The following GALM variants were observed in gnomAD, a reference collection of about 807,000 sequenced individuals.
GALM encodes galactose mutarotase, also known as aldose 1-epimerase.
GALM carries 43 observed loss-of-function variants against 37.4 expected under a neutral mutation model. That is an observed-to-expected ratio of 1.15 (90% CI 0.90 to 1.48). The LOEUF (loss-of-function observed/expected upper bound fraction) is 1.48, where lower values mean the gene tolerates loss of function less well. Ranked by LOEUF, GALM falls within the 40% of genes most tolerant of loss-of-function variation. The pLI, the probability that GALM is intolerant of heterozygous loss-of-function variation, is 0.00. For synonymous variants in GALM, 199 were observed against 170.6 expected (o/e 1.17, Z -1.30); for missense variants, 456 against 419.1 (o/e 1.09, Z -0.77).
intron 4 of GALM, among the ~76,000 whole-genome samples, chr2:38,725,880 T>A (rs1351860585): frequency 3.9e-5 from 6 of 151,912 alleles, no homozygotes; most frequent in African/African-American, 7.3e-5. Flanking sequence ...CCTGGCTAAT[T>A]TTTGTATTTT....
chr2:38,693,163 C>T (rs576059409), intron 4 of GALM, among the ~76,000 whole-genome samples: 59 of 152,152 alleles, frequency 3.9e-4, no homozygotes, highest in Non-Finnish European at 4.4e-4. Flanking sequence ...ACCACAAGGC[C>T]ACTTTCCTGA....
At chr2:38,666,780 T>G (rs537824946) in intron 1 of GALM, among the ~76,000 whole-genome samples, 1 of 152,330 alleles carries the variant, frequency 6.6e-6, no homozygotes, top group Admixed American at 6.5e-5. Context: ...TCTACTTCCT[T>G]CTTCCTTGAT....
intron 4 of GALM, among the ~76,000 whole-genome samples, chr2:38,714,936 T>C (rs1231859942): frequency 6.6e-6 from 1 of 152,184 alleles, no homozygotes; most frequent in African/African-American, 2.4e-5. Context: ...AAATAATCTG[T>C]CCAATGCTGA....
intron 1 of GALM, among the ~76,000 whole-genome samples, chr2:38,675,322 C>G (rs1350608048): frequency 6.6e-6 from 1 of 152,044 alleles, no homozygotes; most frequent in Non-Finnish European, 1.5e-5. Flanking sequence ...TCAGTTTTTT[C>G]TTTGTGCTGT....
chr2:38,701,439 A>G (rs1665914242), intron 4 of GALM, among the ~76,000 whole-genome samples: 1 of 152,216 alleles, frequency 6.6e-6, no homozygotes, highest in South Asian at 2.1e-4. Context: ...TGCCTTTGAA[A>G]GTAGCATTAG....
intron 4 of GALM, among the ~76,000 whole-genome samples, chr2:38,723,896 G>C (rs1666430904): frequency 6.6e-6 from 1 of 152,162 alleles, no homozygotes; most frequent in South Asian, 2.1e-4. Context: ...CCTAGGCTGT[G>C]TGTGCACTCT....
intron 2 of GALM, among the ~76,000 whole-genome samples, chr2:38,678,509 G>A (rs1665313652): frequency 6.6e-6 from 1 of 152,114 alleles, no homozygotes; most frequent in South Asian, 2.1e-4. Context: ...AGAAAAACTA[G>A]GTAGCAAGTT....
chr2:38,710,514 T>A (rs2148448281), intron 4 of GALM, among the ~76,000 whole-genome samples: 1 of 152,324 alleles, frequency 6.6e-6, no homozygotes, highest in Admixed American at 6.5e-5. Flanking sequence ...AGAAAGTGGC[T>A]GGCATGTCCC....
intron 4 of GALM, among the ~76,000 whole-genome samples, chr2:38,690,373 ATAACT>A (rs1442057190): frequency 1.3e-5 from 2 of 152,062 alleles, no homozygotes; most frequent in Non-Finnish European, 2.9e-5. Context: ...AAAATTTTAA[ATAACT>A]TTACTGGATA....
intron 4 of GALM, among the ~76,000 whole-genome samples, chr2:38,721,291 A>C (rs540489885): frequency 1.3e-5 from 2 of 152,340 alleles, no homozygotes; most frequent in Admixed American, 1.3e-4. Flanking sequence ...TTTGTGACAG[A>C]GATCTGGAAT....
chr2:38,703,074 ATATATATATATATATATATTTTTTTTTTT>A (rs1163323654), intron 4 of GALM, among the ~76,000 whole-genome samples: 1 of 4,858 alleles, frequency 2.1e-4, no homozygotes, highest in African/African-American at 5.2e-4. Flanking sequence ...ATATATATAT[ATATATATATATATATATATTTTTTTTTTT>A]TTTTTTTTTT....
At chr2:38,718,196 C>CTTTTTTTT (rs3059479) in intron 4 of GALM, among the ~76,000 whole-genome samples, 23 of 131,280 alleles carry the variant, frequency 1.8e-4, no homozygotes, top group Non-Finnish European at 2.7e-4. Flanking sequence ...TTTTTCTTTT[C>CTTTTTTTT]TTTTTTTTTT....
chr2:38,679,036 G>T (rs894992298), intron 2 of GALM, among the ~76,000 whole-genome samples: 1 of 152,022 alleles, frequency 6.6e-6, no homozygotes, highest in Non-Finnish European at 1.5e-5. Flanking sequence ...GCCCAGGCTG[G>T]AGTGCAGTGG....
At chr2:38,710,841 C>T (rs1459287167) in intron 4 of GALM, among the ~76,000 whole-genome samples, 1 of 151,624 alleles carries the variant, frequency 6.6e-6, no homozygotes, top group Non-Finnish European at 1.5e-5. Context: ...GCAACCTCCG[C>T]CTCCTGGGTT....
intron 4 of GALM, among the ~76,000 whole-genome samples, chr2:38,707,749 G>A (rs749376085): frequency 3.9e-5 from 6 of 152,120 alleles, no homozygotes; most frequent in Non-Finnish European, 8.8e-5. Flanking sequence ...GGGTAGCTGA[G>A]TCGGAAGGAT....
intron 4 of GALM, among the ~76,000 whole-genome samples, chr2:38,723,759 C>T (rs958264179): frequency 6.6e-6 from 1 of 151,870 alleles, no homozygotes; most frequent in Non-Finnish European, 1.5e-5. Flanking sequence ...CCACTGCACT[C>T]CAGCCTGGGT....
intron 3 of GALM, among the ~76,000 whole-genome samples, chr2:38,687,219 G>T (rs191411910): frequency 8.3e-4 from 126 of 152,352 alleles, no homozygotes; most frequent in African/African-American, 2.6e-3. Flanking sequence ...AGAGAGAGCC[G>T]CACAGAAGAG....
At chr2:38,729,347 C>T in intron 4 of GALM, among the ~76,000 whole-genome samples, 1 of 148,556 alleles carries the variant, frequency 6.7e-6, no homozygotes, top group East Asian at 2.0e-4. Context: ...ATCACTATGC[C>T]TGGCTAATTT....
intron 4 of GALM, among the ~76,000 whole-genome samples, chr2:38,711,815 TCATC>T (rs1666173107): frequency 2.1e-4 from 13 of 62,194 alleles, no homozygotes; most frequent in Non-Finnish European, 3.3e-4. Context: ...ACCATCATCA[TCATC>T]ACTATCACCA....
Sources: allele counts gnomAD v4.1 joint callset (sites outside exome capture counted in the v4.1 genomes callset), GRCh38; gene constraint gnomAD v4.1.1; transcripts MANE v1.5; gene names NCBI Gene and HGNC (gene_info 2026-07-23, HGNC 2026-07-21).